Variants in AGMO observed in about 807,000 individuals in gnomAD.
AGMO encodes the protein glyceryl-ether monooxygenase.
In AGMO, 75 loss-of-function variants were observed where a neutral mutation model predicts 60.2. The ratio of observed to expected loss-of-function variants is 1.25; its 90% CI spans 1.03 to 1.51. The LOEUF (loss-of-function observed/expected upper bound fraction) is 1.51, where lower values mean the gene tolerates loss of function less well. AGMO is among the 40% of genes most tolerant of loss of function. The pLI is 0.00. For synonymous variants in AGMO, 261 were observed against 177.1 expected (o/e 1.47, Z -3.76); for missense variants, 763 against 525.5 (o/e 1.45, Z -4.42).
At position 15,218,746 on chromosome 7, in the gene AGMO, A is replaced by C. The variant is rs142151265; in HGVS notation, c.1264-17387T>G. Among the ~76,000 whole-genome samples the C allele has an allele frequency of 3.5e-3, 528 of 152,278 alleles. 1 individual carries two copies. Among genetic ancestry groups the C allele is most frequent in the African/African-American group, 0.01 (435 of 41,560 alleles). On this transcript the variant is annotated intron_variant, in intron 12 of 12. Coordinates refer to ENST00000342526, the MANE Select transcript of AGMO (RefSeq NM_001004320.2). ...ATATTCCTGCTGGCCTGAGAGACAGATCAGACCCGAGGTGGCAAGAAGAAA... is the reference window on the plus strand; with the variant it reads ...ATATTCCTGCTGGCCTGAGAGACAGCTCAGACCCGAGGTGGCAAGAAGAAA...
chr7:15,302,483 A>T (rs912942124), intron 12 of AGMO, among the ~76,000 whole-genome samples: 1 of 152,186 alleles, frequency 6.6e-6, no homozygotes, highest in Admixed American at 6.5e-5. Context: ...ATTTTGTTCT[A>T]ACTCTAGAAC....
At chr7:15,224,459 C>CT (rs1194865628) in intron 12 of AGMO, among the ~76,000 whole-genome samples, 1 of 151,860 alleles carries the variant, frequency 6.6e-6, no homozygotes, top group Non-Finnish European at 1.5e-5. Flanking sequence ...CTCTCTCTCT[C>CT]CTCTCATCAA....
chr7:15,216,388 T>C (rs979552928), intron 12 of AGMO, among the ~76,000 whole-genome samples: 1 of 151,986 alleles, frequency 6.6e-6, no homozygotes, highest in Admixed American at 6.6e-5. Flanking sequence ...ATAGGGTTCC[T>C]TTTTCTATGT....
chr7:15,529,667 C>CTATATACAGAATATATATAG (rs1784243011), intron 3 of AGMO, among the ~76,000 whole-genome samples: 25 of 15,030 alleles, frequency 1.7e-3, no homozygotes, highest in Non-Finnish European at 2.4e-3. Flanking sequence ...TATATATATT[C>CTATATACAGAATATATATAG]TATATATATT....
At chr7:15,245,531 C>G (rs1782714471) in intron 12 of AGMO, among the ~76,000 whole-genome samples, 1 of 152,066 alleles carries the variant, frequency 6.6e-6, no homozygotes, top group South Asian at 2.1e-4. Flanking sequence ...AATCTGCAAC[C>G]CAAGAGGTTC....
intron 5 of AGMO, 143 bp from the exon 6 acceptor site, chr7:15,394,322 C>A (rs1032571069): frequency 4.6e-6 from 3 of 655,036 alleles, no homozygotes; most frequent in African/African-American, 1.8e-5. Context: ...AAAAGTTCCA[C>A]TGAAATCTGG....
At chr7:15,514,608 T>C (rs1783761458) in intron 3 of AGMO, among the ~76,000 whole-genome samples, 1 of 152,142 alleles carries the variant, frequency 6.6e-6, no homozygotes, top group African/African-American at 2.4e-5. Flanking sequence ...GGAAAGGAAG[T>C]AAAGAAATGC....
chr7:15,370,457 G>A (rs933769039), intron 10 of AGMO, among the ~76,000 whole-genome samples: 2 of 152,158 alleles, frequency 1.3e-5, no homozygotes, highest in Non-Finnish European at 2.9e-5. Context: ...AGTTCTTTGA[G>A]AAATTTCCAA....
chr7:15,204,013 G>C (rs1252256248), intron 12 of AGMO, among the ~76,000 whole-genome samples: 1 of 152,002 alleles, frequency 6.6e-6, no homozygotes, highest in East Asian at 1.9e-4. Flanking sequence ...ATAAAATCCA[G>C]ATTGGCAAAG....
the AGMO span, among the ~76,000 whole-genome samples, chr7:15,187,259 A>C: frequency 1.7e-3 from 261 of 152,346 alleles, 2 homozygotes; most frequent in African/African-American, 5.8e-3. Context: ...CATAAAGCTT[A>C]AATACTGCAT....
chr7:15,426,448 A>T (rs4392788), intron 4 of AGMO, among the ~76,000 whole-genome samples: 48,743 of 152,042 alleles, frequency 0.32, 8,357 homozygotes, highest in Middle Eastern at 0.46. Flanking sequence ...CCAAACAAAC[A>T]AACAAAAACC....
intron 3 of AGMO, among the ~76,000 whole-genome samples, chr7:15,517,077 AT>A (rs1273912311): frequency 6.6e-6 from 1 of 152,142 alleles, no homozygotes; most frequent in East Asian, 1.9e-4. Context: ...AAGAGCTTAT[AT>A]TTGATAATGT....
intron 12 of AGMO, among the ~76,000 whole-genome samples, chr7:15,258,417 C>T (rs759436744): frequency 4.6e-5 from 7 of 151,852 alleles, no homozygotes; most frequent in Non-Finnish European, 7.4e-5. Flanking sequence ...TGGTGGCAGG[C>T]GCCTGTAGTC....
At chr7:15,282,877 AC>A (rs1275727869) in intron 12 of AGMO, among the ~76,000 whole-genome samples, 1 of 152,214 alleles carries the variant, frequency 6.6e-6, no homozygotes, top group East Asian at 1.9e-4. Context: ...AATCTATTAG[AC>A]TAACAGCAGA....
At chr7:15,333,488 T>C (rs1327981109) in intron 12 of AGMO, among the ~76,000 whole-genome samples, 1 of 151,974 alleles carries the variant, frequency 6.6e-6, no homozygotes, top group Non-Finnish European at 1.5e-5. Context: ...TCTTTTGAAC[T>C]TGGTAGTAAG....
rs572471117 is a variant in AGMO at position 15,354,614 on chromosome 7, C to CTATA, written c.1263+10896_1263+10899dup. On this transcript the variant is annotated intron_variant, in intron 12 of 12. Coordinates refer to ENST00000342526, the MANE Select transcript of AGMO (RefSeq NM_001004320.2). ...ATGGAATGATACATCTTGAGAAAGA[C>CTATA]TATACCCTTATATTCTAAAAATATT... 6.3e-3 allele frequency among the ~76,000 whole-genome samples: 881 copies of CTATA among 139,848 alleles called. 3 individuals are homozygous for CTATA. The highest frequency in any genetic ancestry group is 0.015 in the South Asian group (65 of 4,250). 91.7% of individuals were successfully genotyped at this position (139,848 alleles called of 152,430 possible). A position where few individuals can be genotyped will look rare whatever the true frequency, so the allele number is the denominator to read the frequency against.
intron 3 of AGMO, among the ~76,000 whole-genome samples, chr7:15,458,257 G>T (rs1782047837): frequency 6.6e-6 from 1 of 152,134 alleles, no homozygotes; most frequent in Non-Finnish European, 1.5e-5. Flanking sequence ...AAAGATTTTT[G>T]TCTTGTAGCA....
chr7:15,548,249 C>A lies in AGMO; in HGVS notation c.258-3326G>T, dbSNP rs1233639762. Among the ~76,000 whole-genome samples, 6 of 151,744 alleles carry A rather than the reference C, an allele frequency of 4.0e-5. No homozygotes were observed. The East Asian group carries it at 5.8e-4, about 15-fold the overall frequency. ...AACAGAAAAACTGGAAACTCTAAAA[C>A]GCAGAGCACCTCTCCTCCTCCAAAG... On this transcript the variant is annotated intron_variant, in intron 2 of 12. Transcript: ENST00000342526.
chr7:15,311,039 A>C (rs1184702000), intron 12 of AGMO, among the ~76,000 whole-genome samples: 1 of 152,180 alleles, frequency 6.6e-6, no homozygotes, highest in Non-Finnish European at 1.5e-5. Flanking sequence ...TGATCTCCAC[A>C]TCTCAAGGTC....
Sources: gnomAD v4.1 joint callset for allele counts (sites outside exome capture counted in the v4.1 genomes callset) on GRCh38, gnomAD v4.1.1 for gene constraint, MANE v1.5 for transcripts, NCBI Gene and HGNC (gene_info 2026-07-23, HGNC 2026-07-21) for gene names.